ZNF469: variants seen among roughly 807,000 people sequenced by gnomAD.
ZNF469 encodes zinc finger protein 469.
ZNF469 carries 1 observed loss-of-function variant against 1.0 expected under a neutral mutation model. The observed-to-expected ratio is 1.00, with a 90% CI of 0.35 to 4.73. ZNF469 has a LOEUF of 4.73. Ranked by LOEUF, ZNF469 falls within the 30% of genes most tolerant of loss-of-function variation. The pLI is 0.16. For synonymous variants in ZNF469, 2,703 were observed against 2,363.4 expected (o/e 1.14, Z -4.17); for missense variants, 6,100 against 5,356.3 (o/e 1.14, Z -4.33).
the ZNF469 span, among the ~76,000 whole-genome samples, chr16:88,355,774 T>C: frequency 6.6e-6 from 1 of 152,126 alleles, no homozygotes; most frequent in Admixed American, 6.5e-5. Context: ...TGCAGAACTG[T>C]GAGCGGGGCC....
the ZNF469 span, among the ~76,000 whole-genome samples, chr16:88,105,499 T>G: frequency 4.6e-5 from 7 of 152,048 alleles, no homozygotes; most frequent in African/African-American, 1.7e-4. Context: ...GAGATGGAGT[T>G]TCACTGTGTT....
chr16:88,216,592 C>T, the ZNF469 span, among the ~76,000 whole-genome samples: 3 of 152,080 alleles, frequency 2.0e-5, no homozygotes, highest in Non-Finnish European at 4.4e-5. Flanking sequence ...TTGGAAGACA[C>T]AGAGTCTCTG....
intron 1 of ZNF469, among the ~76,000 whole-genome samples, chr16:88,396,605 C>CGTCTG (rs1904672112): frequency 6.7e-6 from 1 of 149,568 alleles, no homozygotes; most frequent in South Asian, 2.1e-4. Flanking sequence ...GGCGGAGACC[C>CGTCTG]ATCTGAAGGG....
intron 2 of ZNF469, among the ~76,000 whole-genome samples, chr16:88,427,023 T>C (rs1487422726): frequency 1.3e-5 from 2 of 152,076 alleles, no homozygotes; most frequent in Non-Finnish European, 2.9e-5. Flanking sequence ...CGAGGACTGC[T>C]CTGAGCCTGT....
the ZNF469 span, among the ~76,000 whole-genome samples, chr16:88,296,537 C>G: frequency 6.6e-6 from 1 of 151,652 alleles, no homozygotes; most frequent in Admixed American, 6.6e-5. Context: ...CACAGGTGCA[C>G]ATACACACAT....
chr16:88,343,888 T>C, the ZNF469 span, among the ~76,000 whole-genome samples: 3 of 151,838 alleles, frequency 2.0e-5, no homozygotes, highest in African/African-American at 7.3e-5. Context: ...TATGGGGAGA[T>C]GGAAAGAGAG....
chr16:88,251,538 C>G, the ZNF469 span, among the ~76,000 whole-genome samples: 5,195 of 51,198 alleles, frequency 0.1, 313 homozygotes, highest in East Asian at 0.2. Flanking sequence ...TCCCTGCTGT[C>G]TTTTTTTTTT....
At chr16:88,155,143 C>T in the ZNF469 span, among the ~76,000 whole-genome samples, 1 of 152,184 alleles carries the variant, frequency 6.6e-6, no homozygotes, top group Non-Finnish European at 1.5e-5. Context: ...TGAGGAGATG[C>T]AGAGCTGGGG....
chr16:88,275,448 C>T, the ZNF469 span, among the ~76,000 whole-genome samples: 4 of 152,278 alleles, frequency 2.6e-5, no homozygotes, highest in African/African-American at 7.2e-5. Flanking sequence ...GAGGAAGGCA[C>T]CAAGAATCCA....
chr16:88,151,296 G>C, the ZNF469 span, among the ~76,000 whole-genome samples: 2 of 152,244 alleles, frequency 1.3e-5, no homozygotes, highest in Admixed American at 6.5e-5. The surrounding 1 kb of genome is among the most constrained non-coding windows in gnomAD (Gnocchi z 5.4). Context: ...CGCGGGCCGT[G>C]GTCAGCCAGG....
At chr16:88,130,083 T>C in the ZNF469 span, among the ~76,000 whole-genome samples, 1 of 152,214 alleles carries the variant, frequency 6.6e-6, no homozygotes, top group Non-Finnish European at 1.5e-5. Flanking sequence ...CTAAACCGAA[T>C]GCGTGGGTCG....
chr16:88,207,648 C>T, the ZNF469 span, among the ~76,000 whole-genome samples: 5 of 151,108 alleles, frequency 3.3e-5, no homozygotes, highest in Non-Finnish European at 5.9e-5. Flanking sequence ...ACCAAGGTGT[C>T]GACGGGGCCG....
the ZNF469 span, among the ~76,000 whole-genome samples, chr16:88,242,976 C>T: frequency 0.14 from 20,784 of 152,028 alleles, 1,627 homozygotes; most frequent in East Asian, 0.36. Flanking sequence ...CTCAGCTCAC[C>T]GAACCCCACA....
At chr16:88,174,476 G>GTCTATCTATCTATCTATCTA in the ZNF469 span, among the ~76,000 whole-genome samples, 8 of 101,664 alleles carry the variant, frequency 7.9e-5, 1 homozygote, top group South Asian at 4.4e-4. Flanking sequence ...CTGTCTGTCT[G>GTCTATCTATCTATCTATCTA]TCTATCTATC....
At chr16:88,388,294 T>A (rs1480987838) in intron 1 of ZNF469, among the ~76,000 whole-genome samples, 1 of 152,232 alleles carries the variant, frequency 6.6e-6, no homozygotes, top group African/African-American at 2.4e-5. Flanking sequence ...GTCCCCTGGC[T>A]AACTGCTAAC....
Position 88,439,128 on chromosome 16 carries a change from G to C in ZNF469, c.11658G>C (p.Gln3886His), listed in dbSNP as rs182269913. 2,484 of 1,550,886 alleles carry C rather than the reference G, an allele frequency of 1.6e-3. 3 individuals carry two copies. Among genetic ancestry groups the C allele is most frequent in the African/African-American group, 9.0e-3 (661 of 73,180 alleles). The change falls in exon 3 of 3, where the codon CAG becomes CAC. Residue 3886 changes from glutamine to histidine, a missense_variant. By Grantham distance (24) the Gln-to-His change is conservative. Transcript: ENST00000565624. ...GGAAGGCAGAGCCGGGCCACACACA[G>C]AGGAAGGACAGACTGGGCAAGGCCT... The part of the protein sequence containing the change: ...EQRKAEPGHT[Q>H]RKDRLGKAFP...
the ZNF469 span, among the ~76,000 whole-genome samples, chr16:88,356,985 C>T: frequency 3.9e-5 from 6 of 152,254 alleles, no homozygotes; most frequent in African/African-American, 1.4e-4. Context: ...TGTGGTGGCA[C>T]ATGGTGGGTG....
the ZNF469 span, among the ~76,000 whole-genome samples, chr16:88,108,440 G>C: frequency 1.3e-5 from 2 of 152,190 alleles, no homozygotes; most frequent in Non-Finnish European, 2.9e-5. Context: ...CAGAAGACAG[G>C]GCTCTGGGGT....
chr16:88,437,064 G>C lies in ZNF469; in HGVS notation c.9594G>C (p.Ala3198=). ...ACAACGAGCACCTGCGTGAGCACGC[G>C]GTCCGCTTCGCCCGCAGGGGGCAGG... ...WMYNEHLREH[A]VRFARRGQAR... The change falls in exon 3 of 3, where the codon GCG becomes GCC. Residue 3198 remains alanine, a synonymous_variant. Coordinates refer to ENST00000565624, the MANE Select transcript of ZNF469 (RefSeq NM_001367624.2). 2 of 1,539,950 alleles carry C rather than the reference G, an allele frequency of 1.3e-6. No individual in the cohort carries two copies. Among genetic ancestry groups the C allele is most frequent in the Non-Finnish European group, 1.7e-6 (2 of 1,144,232 alleles).
Sources: gnomAD v4.1 joint callset for allele counts (sites outside exome capture counted in the v4.1 genomes callset) on GRCh38, gnomAD v4.1.1 for gene constraint, Gnocchi (gnomAD v3.1) non-coding constraint, MANE v1.5 for transcripts, NCBI Gene and HGNC (gene_info 2026-07-23, HGNC 2026-07-21) for gene names.